Variants in COQ10B observed in about 807,000 individuals in gnomAD.
COQ10B encodes coenzyme Q10B, also known as coenzyme Q-binding protein COQ10 homolog B, mitochondrial.
COQ10B carries 12 observed loss-of-function variants against 27.6 expected under a neutral mutation model. The observed-to-expected ratio is 0.43, with a 90% confidence interval of 0.28 to 0.70. The LOEUF is 0.70. COQ10B is among the 30% of genes least tolerant of loss of function. The pLI, the probability that COQ10B is intolerant of heterozygous loss-of-function variation, is 0.17. For synonymous variants in COQ10B, 115 were observed against 103.0 expected (o/e 1.12, Z -0.71); for missense variants, 278 against 288.7 (o/e 0.96, Z 0.27).
At chr2:197,467,325 TTTGA>T (rs536980223) in intron 3 of COQ10B, among the ~76,000 whole-genome samples, 5 of 151,158 alleles carry the variant, frequency 3.3e-5, no homozygotes, top group East Asian at 3.9e-4. Flanking sequence ...AGGTTCTGGA[TTTGA>T]TTGATTGATT....
chr2:197,456,334 G>A (rs1006618821), intron 1 of COQ10B, among the ~76,000 whole-genome samples: 4 of 151,396 alleles, frequency 2.6e-5, no homozygotes, highest in African/African-American at 7.3e-5. Flanking sequence ...GTGTGGTGGC[G>A]GGCGCCTGTA....
intron 4 of COQ10B, 126 bp downstream of exon 4, chr2:197,470,297 A>G (rs2085865254): frequency 1.7e-6 from 1 of 580,022 alleles, no homozygotes; most frequent in Non-Finnish European, 3.1e-6. Flanking sequence ...GCTAATGAAC[A>G]TTTCTTTTTT....
intron 3 of COQ10B, among the ~76,000 whole-genome samples, chr2:197,467,973 C>T (rs192142494): frequency 1.9e-4 from 29 of 152,162 alleles, no homozygotes; most frequent in Non-Finnish European, 3.7e-4. Flanking sequence ...AATCAGTTCA[C>T]TCAGAACAGT....
At chr2:197,464,410 G>A (rs906645198) in intron 3 of COQ10B, among the ~76,000 whole-genome samples, 6 of 152,038 alleles carry the variant, frequency 3.9e-5, no homozygotes, top group African/African-American at 1.4e-4. Context: ...ATTGAAGGGG[G>A]TGCAGCTCTC....
intron 3 of COQ10B, among the ~76,000 whole-genome samples, chr2:197,469,483 G>GA (rs2085858412): frequency 1.3e-5 from 2 of 152,258 alleles, no homozygotes; most frequent in East Asian, 1.9e-4. Context: ...CATGTGCATT[G>GA]AAAAAATCAG....
intron 2 of COQ10B, among the ~76,000 whole-genome samples, chr2:197,461,937 A>T (rs2085765162): frequency 6.6e-6 from 1 of 151,712 alleles, no homozygotes; most frequent in Admixed American, 6.6e-5. Context: ...TCCTGGCCAT[A>T]CTCTCAATTT....
At chr2:197,472,719 G>A (rs867752987) in intron 4 of COQ10B, among the ~76,000 whole-genome samples, 7 of 146,162 alleles carry the variant, frequency 4.8e-5, no homozygotes, top group Middle Eastern at 3.9e-3. Context: ...CAGGAGAATC[G>A]CTTGAACCTA....
rs1000957205 is a variant in COQ10B, at chr2:197,473,772, C to T, written c.565C>T (p.Arg189Ter). 3.4e-6 allele frequency: 5 copies of T among 1,487,560 alleles called. No homozygotes were observed. Among genetic ancestry groups the T allele is most frequent in the Non-Finnish European group, 4.5e-6 (5 of 1,113,440 alleles). 92.1% of individuals were successfully genotyped at this position (1,487,560 alleles called of 1,614,324 possible). Residue 189 changes from arginine to a stop codon, truncating the protein, a stop_gained, in exon 5 of 5, where the codon CGA becomes TGA. Coordinates refer to ENST00000263960, the MANE Select transcript of COQ10B (RefSeq NM_025147.5). LOFTEE classifies it high-confidence loss of function. The stretch of plus-strand genomic sequence containing the variant: ...TTTCCTACAGATTTCTTTTGAATTT[C>T]GATCACTTCTACATTCCCAGCTTGC... ...TLDFSISFEF[R>*]SLLHSQLATL...
chr2:197,468,162 CGGGT>C (rs2085844458), intron 3 of COQ10B, among the ~76,000 whole-genome samples: 4 of 151,962 alleles, frequency 2.6e-5, no homozygotes, highest in Non-Finnish European at 4.4e-5. Context: ...CAGAGGAGGC[CGGGT>C]GTGGTGGCTC....
chr2:197,468,445 A>G (rs1182561899), intron 3 of COQ10B, among the ~76,000 whole-genome samples: 1 of 150,096 alleles, frequency 6.7e-6, no homozygotes, highest in Non-Finnish European at 1.5e-5. Flanking sequence ...TCCGTCTCAA[A>G]AAAAAAAAAA....
chr2:197,454,273 G>A, intron 1 of COQ10B: 2 of 739,296 alleles, frequency 2.7e-6, no homozygotes, highest in East Asian at 5.7e-5. Flanking sequence ...GTAGGTGGGG[G>A]TGGAGATGGA....
At chr2:197,469,000 A>G (rs2085854032) in intron 3 of COQ10B, among the ~76,000 whole-genome samples, 1 of 152,128 alleles carries the variant, frequency 6.6e-6, no homozygotes, top group Non-Finnish European at 1.5e-5. Flanking sequence ...CATCTCTTTC[A>G]TGGATCTCAA....
In COQ10B at chr2:197,453,599, A is replaced by T; in HGVS notation, c.39A>T (p.Val13=). The part of the protein sequence containing the change: ...ARTGHTALRR[V]VSGCRPKSAT... ...CTGGTCATACGGCCTTGAGAAGGGT[A>T]GTCTCGGGATGCCGTCCGAAGTCGG... Residue 13 remains valine, a synonymous_variant, in exon 1 of 5, where the codon GTA becomes GTT. Coordinates refer to ENST00000263960, the MANE Select transcript of COQ10B (RefSeq NM_025147.5). 6.2e-7 allele frequency: 1 copy of T among 1,614,018 alleles called. No homozygotes were observed. Among genetic ancestry groups the T allele is most frequent in the Non-Finnish European group, 8.5e-7 (1 of 1,179,996 alleles).
chr2:197,471,799 G>A (rs1162162878), intron 4 of COQ10B, among the ~76,000 whole-genome samples: 3 of 151,922 alleles, frequency 2.0e-5, no homozygotes, highest in East Asian at 1.9e-4. Flanking sequence ...AAAATTAGCC[G>A]GGTGTGGTGG....
intron 3 of COQ10B, among the ~76,000 whole-genome samples, chr2:197,463,461 ACT>A (rs914888599): frequency 2.7e-5 from 4 of 150,050 alleles, no homozygotes; most frequent in Non-Finnish European, 5.9e-5. Context: ...ACACAGTGAG[ACT>A]CTGTCTCAAA....
At chr2:197,473,410 AAAAAAATATATATAT>A (rs1443535931) in intron 4 of COQ10B, among the ~76,000 whole-genome samples, 31 of 65,516 alleles carry the variant, frequency 4.7e-4, no homozygotes, top group African/African-American at 2.1e-3. Context: ...CACAAAAAAA[AAAAAAATATATATAT>A]ATATATATAT....
At chr2:197,457,921 C>T (rs1263782790) in intron 1 of COQ10B, among the ~76,000 whole-genome samples, 1 of 151,944 alleles carries the variant, frequency 6.6e-6, no homozygotes, top group African/African-American at 2.4e-5. Flanking sequence ...CGCACCCGGC[C>T]TCCATTACAT....
Position 197,460,011 on chromosome 2 carries a change from C to A in COQ10B, c.184C>A (p.Arg62=). ...AATTTTGCCTAAGGAGATATGTGCA[C>A]GAACTTTCTTCAAAATCACTGCACC... is the stretch of plus-strand genomic sequence containing the variant. ...TSILPKEICA[R]TFFKITAPLI... is the part of the protein sequence containing the mutation. Residue 62 remains arginine, a synonymous_variant, in exon 2 of 5, where the codon CGA becomes AGA. Transcript: ENST00000263960. The A allele has an allele frequency of 6.2e-7, 1 of 1,610,534 alleles. No homozygotes were observed. Among genetic ancestry groups the A allele is most frequent in the Non-Finnish European group, 8.5e-7 (1 of 1,177,264 alleles).
intron 1 of COQ10B, among the ~76,000 whole-genome samples, chr2:197,455,475 A>ATG (rs903679112): frequency 4.0e-5 from 6 of 151,718 alleles, no homozygotes; most frequent in Non-Finnish European, 7.4e-5. Context: ...AGAAAAAAAA[A>ATG]TGTGTGTGTG....
Sources: gnomAD v4.1 joint callset for allele counts (sites outside exome capture counted in the v4.1 genomes callset) on GRCh38, gnomAD v4.1.1 for gene constraint, MANE v1.5 for transcripts, NCBI Gene and HGNC (gene_info 2026-07-23, HGNC 2026-07-21) for gene names.